The following UGGT2 variants were observed in gnomAD, a reference collection of about 807,000 sequenced individuals.
UGGT2 encodes the protein UDP-glucose:glycoprotein glucosyltransferase 2.
A neutral mutation model predicts 192.1 loss-of-function variants in UGGT2; 180 were observed. That is an observed-to-expected ratio of 0.94 (90% CI 0.83 to 1.06). The LOEUF is 1.06. UGGT2 is among the 50% of genes least tolerant of loss of function. The pLI, the probability that UGGT2 is intolerant of heterozygous loss-of-function variation, is 0.00. For synonymous variants in UGGT2, 580 were observed against 591.0 expected (o/e 0.98, Z 0.27); for missense variants, 1,849 against 1,795.7 (o/e 1.03, Z -0.54).
At chr13:96,022,208 T>A (rs150707997) in intron 4 of UGGT2, among the ~76,000 whole-genome samples, 274 of 152,176 alleles carry the variant, frequency 1.8e-3, no homozygotes, top group Non-Finnish European at 1.6e-3. Flanking sequence ...AAAAATCTGG[T>A]TGGATTCTTA....
chr13:95,863,734 A>G lies in UGGT2; in HGVS notation c.3559-20T>C. 6.3e-7 allele frequency: 1 copy of G among 1,591,272 alleles called. No homozygotes were observed. On this transcript the variant is annotated intron_variant, in intron 30 of 38. Transcript: ENST00000376747. ...TTTCACCTAGATAGCATGGCAAAAA[A>G]GATTAGAATTTGGCTGCTTTAAATA...
At chr13:95,997,920 CT>C in intron 6 of UGGT2, among the ~76,000 whole-genome samples, 1 of 152,244 alleles carries the variant, frequency 6.6e-6, no homozygotes, top group South Asian at 2.1e-4. Context: ...TTGCTATGTT[CT>C]GAATTTTTGA....
chr13:96,035,725 C>T (rs774306989), intron 1 of UGGT2, among the ~76,000 whole-genome samples: 5 of 152,004 alleles, frequency 3.3e-5, no homozygotes, highest in Admixed American at 6.6e-5. Context: ...AAAAAACAAA[C>T]GACCCCATTA....
intron 29 of UGGT2, among the ~76,000 whole-genome samples, chr13:95,875,700 A>G (rs945812691): frequency 6.6e-6 from 1 of 152,154 alleles, no homozygotes. Context: ...TCTAATGTCA[A>G]TGCTGACTTC....
intron 2 of UGGT2, among the ~76,000 whole-genome samples, chr13:96,026,861 C>CG (rs775780065): frequency 3.4e-4 from 52 of 151,852 alleles, no homozygotes; most frequent in Non-Finnish European, 6.3e-4. Flanking sequence ...TTAGTAGAGA[C>CG]GGGGTTTCAC....
chr13:95,852,419 A>G (rs1031868912), intron 36 of UGGT2, among the ~76,000 whole-genome samples: 3 of 152,130 alleles, frequency 2.0e-5, no homozygotes, highest in African/African-American at 7.2e-5. Flanking sequence ...CACCCAATTT[A>G]TACCTGCAAG....
chr13:95,895,179 C>A lies in UGGT2; in HGVS notation c.2759+1G>T. 1 of 1,578,872 alleles carries A rather than the reference C, an allele frequency of 6.3e-7. No individual in the cohort carries two copies. Among genetic ancestry groups the A allele is most frequent in the Non-Finnish European group, 8.5e-7 (1 of 1,170,956 alleles). ...ATTGCTCTTAGAACTTATATACTCA[C>A]TTATTTGCGTTGATTCCCATATTTT... On this transcript the variant is annotated splice_donor_variant, in intron 23 of 38. Transcript: ENST00000376747. LOFTEE classifies it high-confidence loss of function.
chr13:95,850,511 G>C (rs748453370), intron 36 of UGGT2, among the ~76,000 whole-genome samples: 2 of 152,198 alleles, frequency 1.3e-5, no homozygotes, highest in Non-Finnish European at 2.9e-5. Flanking sequence ...GTGGAAGTCT[G>C]CTAGCCTTGA....
intron 32 of UGGT2, 28 bp from the exon 33 acceptor site, chr13:95,859,703 T>C (rs1338298124): frequency 2.0e-6 from 3 of 1,508,310 alleles, no homozygotes; most frequent in Admixed American, 1.9e-5. Flanking sequence ...AAACCCAATA[T>C]ACATTAACAG....
At chr13:95,926,666 A>G (rs938627890) in intron 19 of UGGT2, among the ~76,000 whole-genome samples, 17 of 152,126 alleles carry the variant, frequency 1.1e-4, no homozygotes, top group African/African-American at 4.1e-4. Context: ...TACCTTAAGC[A>G]AAATATCTGC....
At chr13:95,999,508 A>C (rs914629546) in intron 5 of UGGT2, among the ~76,000 whole-genome samples, 1 of 152,198 alleles carries the variant, frequency 6.6e-6, no homozygotes, top group African/African-American at 2.4e-5. Context: ...TACTCTGTAA[A>C]AACTTTGTCA....
In UGGT2 at chr13:96,013,297, A is replaced by G. The variant is rs760970614; in HGVS notation, c.660+10T>C. The G allele has an allele frequency of 3.9e-6, 6 of 1,543,510 alleles. No individual in the cohort carries two copies. Among genetic ancestry groups the G allele is most frequent in the Admixed American group, 2.4e-5 (1 of 41,744 alleles). On this transcript the variant is annotated intron_variant, in intron 5 of 38. Transcript: ENST00000376747. ...AGCCAAAAGCAACCTTGGAAAAAAC[A>G]AGCGCATACCTGAATATAATGGCGA...
chr13:95,972,908 C>T (rs575629746), intron 10 of UGGT2, among the ~76,000 whole-genome samples: 5 of 152,340 alleles, frequency 3.3e-5, no homozygotes, highest in Admixed American at 2.0e-4. Context: ...TGGCGGCTTA[C>T]GCCTGTAATG....
At chr13:95,973,342 TCTG>T (rs1236760510) in intron 10 of UGGT2, among the ~76,000 whole-genome samples, 2 of 152,190 alleles carry the variant, frequency 1.3e-5, no homozygotes, top group African/African-American at 4.8e-5. Context: ...ACCTGAATAT[TCTG>T]ATTTTACAAT....
At chr13:95,960,747 C>T (rs1319375081) in intron 12 of UGGT2, among the ~76,000 whole-genome samples, 1 of 152,094 alleles carries the variant, frequency 6.6e-6, no homozygotes, top group Non-Finnish European at 1.5e-5. Context: ...AAATTATAGT[C>T]AAACTGTCAA....
intron 24 of UGGT2, among the ~76,000 whole-genome samples, chr13:95,893,401 G>T (rs956758462): frequency 3.9e-5 from 6 of 152,060 alleles, no homozygotes; most frequent in African/African-American, 9.7e-5. Flanking sequence ...ATTTTTATGT[G>T]ATTTTAGAAG....
At chr13:95,945,143 T>A (rs1328975708) in intron 15 of UGGT2, among the ~76,000 whole-genome samples, 1 of 152,028 alleles carries the variant, frequency 6.6e-6, no homozygotes, top group African/African-American at 2.4e-5. Context: ...ACAGATATGG[T>A]TGGATTAACT....
chr13:95,877,568 C>A, intron 28 of UGGT2, 130 bp downstream of exon 28: 1 of 1,142,248 alleles, frequency 8.8e-7, no homozygotes, highest in South Asian at 2.0e-5. Context: ...TTATCTTATT[C>A]AAAGATTCAA....
At chr13:95,803,346 C>T (rs1469779439) in intron 38 of UGGT2, among the ~76,000 whole-genome samples, 2 of 151,912 alleles carry the variant, frequency 1.3e-5, no homozygotes, top group Non-Finnish European at 2.9e-5. Context: ...CCGCAACCTC[C>T]GCCTCCCGGG....
Sources: gnomAD v4.1 joint callset for allele counts (sites outside exome capture counted in the v4.1 genomes callset) on GRCh38, gnomAD v4.1.1 for gene constraint, MANE v1.5 for transcripts, NCBI Gene and HGNC (gene_info 2026-07-23, HGNC 2026-07-21) for gene names.